RGS5: variants seen among roughly 807,000 people sequenced by gnomAD.
RGS5 encodes regulator of G protein signaling 5, also known as regulator of G-protein signalling 5.
RGS5 carries 20 observed loss-of-function variants against 18.9 expected under a neutral mutation model. The ratio of observed to expected loss-of-function variants is 1.06; its 90% CI spans 0.74 to 1.54. The LOEUF (loss-of-function observed/expected upper bound fraction) is 1.54. Ranked by LOEUF, RGS5 falls within the 40% of genes most tolerant of loss-of-function variation. The probability of loss-of-function intolerance (pLI) is 0.00; values close to 1 mark genes in which losing one functional copy is unlikely to be tolerated. For synonymous variants in RGS5, 57 were observed against 76.2 expected (o/e 0.75, Z 1.31); for missense variants, 201 against 211.8 (o/e 0.95, Z 0.32).
At chr1:163,266,103 C>T (rs941821092) in intron 2 of RGS5, among the ~76,000 whole-genome samples, 2 of 151,614 alleles carry the variant, frequency 1.3e-5, no homozygotes, top group African/African-American at 4.8e-5. Flanking sequence ...TCTCCTACAG[C>T]ACTGCCACCC....
In RGS5 at chr1:163,237,171, G is replaced by A. The variant is rs567883763; in HGVS notation, c.-280-68803C>T. 210 of 152,630 alleles carry A rather than the reference G, an allele frequency of 1.4e-3. 1 individual carries two copies. Among genetic ancestry groups the A allele is most frequent in the Admixed American group, 8.5e-4 (13 of 15,298 alleles). The allele number at this position is 152,630 out of a possible 1,614,324, so 9.5% of individuals were successfully genotyped here. A position where few individuals can be genotyped will look rare whatever the true frequency, so the allele number is the denominator to read the frequency against. On this transcript the variant is annotated intron_variant, in intron 2 of 5. Coordinates refer to the RGS5 transcript ENST00000618415. ...GTTGAAGGGAATGAAACATGGATGC[G>A]GCATCGGCGGGGTCCCTGTGAGGCT...
rs370447282 is a variant in RGS5, at chr1:163,143,038, G to T, written c.*4304C>A. 37 of 152,322 alleles carry T rather than the reference G, an allele frequency of 2.4e-4. 1 individual carries two copies. The highest frequency in any genetic ancestry group is 8.2e-4 in the African/African-American group (34 of 41,586). 9.4% of individuals were successfully genotyped at this position (152,322 alleles called of 1,614,324 possible). The stretch of plus-strand genomic sequence containing the variant: ...GCTGTAAGTTTCCATTCAAAGCCAG[G>T]AGTCTTTTCTCAGTTGGAAGAGTTG... On this transcript the variant is annotated 3_prime_UTR_variant, in exon 5 of 5. Transcript: ENST00000313961.
At chr1:163,288,714 T>C (rs1013465272) in intron 2 of RGS5, among the ~76,000 whole-genome samples, 6 of 152,178 alleles carry the variant, frequency 3.9e-5, no homozygotes, top group Admixed American at 3.3e-4. Flanking sequence ...CTCCCATATA[T>C]ATCACCCTAG....
chr1:163,242,922 T>C (rs1647826750), intron 2 of RGS5, among the ~76,000 whole-genome samples: 1 of 151,906 alleles, frequency 6.6e-6, no homozygotes. Flanking sequence ...ATAAAAGGAG[T>C]TTCTATAACT....
chr1:163,178,149 A>C (rs1241778046), intron 1 of RGS5, among the ~76,000 whole-genome samples: 1 of 152,086 alleles, frequency 6.6e-6, no homozygotes, highest in Non-Finnish European at 1.5e-5. Context: ...TCTCTTCTAA[A>C]AATACAAAAA....
rs184238295 is a variant in RGS5, at chr1:163,308,004, C to G, written c.-377-1675G>C. Among the ~76,000 whole-genome samples the G allele has an allele frequency of 5.5e-4, 84 of 152,298 alleles. 1 individual carries two copies. The highest frequency in any genetic ancestry group is 1.0e-4 in the Non-Finnish European group (7 of 68,028). On this transcript the variant is annotated intron_variant, in intron 1 of 5. Transcript: ENST00000618415. ...AGTTGTTCTTAACTCCATGAACAAT[C>G]TGCATCCTAATCACTTGCAGAACTA...
At position 163,321,088 on chromosome 1, in the gene RGS5, A is replaced by AAAAC. The variant is rs566541176; in HGVS notation, c.-378+530_-378+533dup. 7.0e-3 allele frequency among the ~76,000 whole-genome samples: 1,072 copies of AAAAC among 152,342 alleles called. 6 individuals are homozygous for AAAAC. Among genetic ancestry groups the AAAAC allele is most frequent in the Non-Finnish European group, 0.011 (730 of 68,024 alleles). On this transcript the variant is annotated intron_variant, in intron 1 of 5. Coordinates refer to the RGS5 transcript ENST00000618415. Reference sequence around the variant, plus strand: ...TAAATGCAGTGTTTCCACTCTTGCCAAAACAAACAAACAAAATACCATGTA... The same window carrying AAAAC: ...TAAATGCAGTGTTTCCACTCTTGCCAAAACAAACAAACAAACAAAATACCATGTA...
At chr1:163,313,160 A>G (rs1443560675) in intron 1 of RGS5, among the ~76,000 whole-genome samples, 1 of 152,196 alleles carries the variant, frequency 6.6e-6, no homozygotes, top group African/African-American at 2.4e-5. Flanking sequence ...AACACAACAT[A>G]GTCTGGTTTA....
intron 1 of RGS5, among the ~76,000 whole-genome samples, chr1:163,314,585 A>C (rs571127605): frequency 2.0e-5 from 3 of 152,218 alleles, no homozygotes; most frequent in Admixed American, 2.0e-4. Context: ...ACTTATCCCC[A>C]AATTTTTCTG....
chr1:163,271,519 C>A (rs1179499644), intron 2 of RGS5, among the ~76,000 whole-genome samples: 3 of 152,194 alleles, frequency 2.0e-5, no homozygotes, highest in Admixed American at 1.3e-4. Flanking sequence ...TTGAACTCTG[C>A]AGCCTACAGA....
intron 2 of RGS5, chr1:163,239,284 TG>T (rs1647720005): frequency 2.0e-5 from 3 of 150,640 alleles, no homozygotes; most frequent in Admixed American, 6.6e-5. Context: ...GAGACCAGCC[TG>T]GGCAACACAG....
chr1:163,234,701 T>C (rs1647574864), intron 2 of RGS5, among the ~76,000 whole-genome samples: 1 of 152,224 alleles, frequency 6.6e-6, no homozygotes, highest in Non-Finnish European at 1.5e-5. Flanking sequence ...TATTATTGTG[T>C]AATAAAACAC....
intron 2 of RGS5, among the ~76,000 whole-genome samples, chr1:163,228,795 A>G (rs1216151184): frequency 6.6e-6 from 1 of 152,180 alleles, no homozygotes; most frequent in Non-Finnish European, 1.5e-5. Flanking sequence ...TTTCAAGTTC[A>G]AAGTTCCACA....
chr1:163,144,697 T>A lies in RGS5; in HGVS notation c.*2645A>T, dbSNP rs1223212476. ...GTTACACATGTTTTTCCTGGAAAGA[T>A]CACCCCACTTTTTCTAATTTCCCAG... On this transcript the variant is annotated 3_prime_UTR_variant, in exon 5 of 5. Transcript: ENST00000313961. 1 of 152,570 alleles carries A rather than the reference T, an allele frequency of 6.6e-6. No individual in the cohort carries two copies. The highest frequency in any genetic ancestry group is 1.9e-4 in the East Asian group (1 of 5,192). 9.5% of individuals were successfully genotyped at this position (152,570 alleles called of 1,614,324 possible).
chr1:163,316,437 A>G (rs2101653761), intron 1 of RGS5, among the ~76,000 whole-genome samples: 1 of 152,364 alleles, frequency 6.6e-6, no homozygotes, highest in South Asian at 2.1e-4. Flanking sequence ...CATAATTCAT[A>G]TAAGTGAATT....
intron 3 of RGS5, among the ~76,000 whole-genome samples, chr1:163,154,903 A>G (rs934568326): frequency 5.3e-5 from 8 of 149,892 alleles, no homozygotes; most frequent in African/African-American, 1.9e-4. Flanking sequence ...ATATATAGAT[A>G]TAGTTTTTAA....
intron 1 of RGS5, among the ~76,000 whole-genome samples, chr1:163,315,946 C>G (rs947043924): frequency 6.6e-6 from 1 of 152,048 alleles, no homozygotes; most frequent in Non-Finnish European, 1.5e-5. Flanking sequence ...AACTTTCAAA[C>G]TATGTAAGGT....
chr1:163,282,124 A>C (rs1482427205), intron 2 of RGS5, among the ~76,000 whole-genome samples: 1 of 152,132 alleles, frequency 6.6e-6, no homozygotes, highest in Middle Eastern at 3.2e-3. Flanking sequence ...CAGCAAAGAA[A>C]GCCATCTATG....
chr1:163,264,707 A>G (rs1648533422), intron 2 of RGS5, among the ~76,000 whole-genome samples: 1 of 152,140 alleles, frequency 6.6e-6, no homozygotes, highest in South Asian at 2.1e-4. Flanking sequence ...GTAAATTCCA[A>G]TATTTCAATA....
Sources: gnomAD v4.1 joint callset for allele counts (sites outside exome capture counted in the v4.1 genomes callset) on GRCh38, gnomAD v4.1.1 for gene constraint, MANE v1.5 for transcripts, NCBI Gene and HGNC (gene_info 2026-07-23, HGNC 2026-07-21) for gene names.